The following PRKN variants were observed in gnomAD, a reference collection of about 807,000 sequenced individuals.
The protein encoded by PRKN is E3 ubiquitin-protein ligase parkin.
PRKN carries 56 observed loss-of-function variants against 59.5 expected under a neutral mutation model. That is an observed-to-expected ratio of 0.94 (90% CI 0.76 to 1.18). The LOEUF is 1.18. Among genes scored for constraint, PRKN ranks in the 50% most tolerant of loss-of-function variants. The probability of loss-of-function intolerance (pLI) is 0.00; values close to 1 mark genes in which losing one functional copy is unlikely to be tolerated. For missense variants in PRKN, 657 were observed against 596.4 expected, an observed-to-expected ratio of 1.10 and a Z score of -1.06; for synonymous variants, 250 against 222.1, an observed-to-expected ratio of 1.13 and a Z score of -1.12.
intron 7 of PRKN, among the ~76,000 whole-genome samples, chr6:161,615,905 G>A (rs1463354751): frequency 6.6e-6 from 1 of 152,172 alleles, no homozygotes; most frequent in Non-Finnish European, 1.5e-5. Flanking sequence ...GTTATGTGAG[G>A]AAAATCACCC....
At chr6:162,708,682 C>T (rs1047744814) in intron 1 of PRKN, among the ~76,000 whole-genome samples, 13 of 152,292 alleles carry the variant, frequency 8.5e-5, no homozygotes, top group Middle Eastern at 3.4e-3. Flanking sequence ...TACTCATTTT[C>T]GACCACTGGC....
At chr6:162,256,046 G>A (rs1192992842) in intron 3 of PRKN, among the ~76,000 whole-genome samples, 1 of 152,062 alleles carries the variant, frequency 6.6e-6, no homozygotes, top group Non-Finnish European at 1.5e-5. Context: ...AACACCAAAG[G>A]TAGTCAACCT....
intron 2 of PRKN, among the ~76,000 whole-genome samples, chr6:162,329,656 T>A (rs1466325809): frequency 6.6e-6 from 1 of 152,004 alleles, no homozygotes; most frequent in African/African-American, 2.4e-5. Context: ...AAACTTTTGC[T>A]CGAAGCCCTA....
At chr6:162,604,367 C>T (rs879534862) in intron 1 of PRKN, among the ~76,000 whole-genome samples, 21 of 152,136 alleles carry the variant, frequency 1.4e-4, no homozygotes, top group Non-Finnish European at 7.3e-5. Context: ...AAGTCAAATA[C>T]CTTGCTTTCC....
chr6:162,219,683 A>G (rs1402100771), intron 3 of PRKN, among the ~76,000 whole-genome samples: 2 of 151,888 alleles, frequency 1.3e-5, no homozygotes, highest in Non-Finnish European at 2.9e-5. Flanking sequence ...GGTATCTTCA[A>G]TTAAAACACT....
intron 4 of PRKN, among the ~76,000 whole-genome samples, chr6:162,199,565 G>C (rs1784634302): frequency 6.6e-6 from 1 of 152,154 alleles, no homozygotes; most frequent in Admixed American, 6.5e-5. Context: ...ATGAGGTTGT[G>C]TCTTGTGTTG....
Position 162,039,894 on chromosome 6 carries a change from T to A in PRKN, c.618+14197A>T, listed in dbSNP as rs146725869. 3.2e-3 allele frequency among the ~76,000 whole-genome samples: 482 copies of A among 152,342 alleles called. 1 individual carries two copies. The highest frequency in any genetic ancestry group is 0.011 in the African/African-American group (460 of 41,570). On this transcript the variant is annotated intron_variant, in intron 5 of 11. Transcript: ENST00000366898. ...AACACTGTGGAAGGTATGCCCGTCA[T>A]CTACTGCTATTCAACAAACCACCCC...
intron 9 of PRKN, among the ~76,000 whole-genome samples, chr6:161,531,754 C>T (rs1432296647): frequency 6.6e-6 from 1 of 152,132 alleles, no homozygotes; most frequent in Non-Finnish European, 1.5e-5. Flanking sequence ...GTCAGTCTTA[C>T]CAGCAAGGGA....
At chr6:162,595,901 T>C (rs540174020) in intron 1 of PRKN, among the ~76,000 whole-genome samples, 4 of 152,288 alleles carry the variant, frequency 2.6e-5, no homozygotes, top group Non-Finnish European at 4.4e-5. Context: ...AATAAGCTCA[T>C]TGAATATTAA....
At chr6:162,041,503 C>A (rs555414410) in intron 5 of PRKN, among the ~76,000 whole-genome samples, 1 of 152,324 alleles carries the variant, frequency 6.6e-6, no homozygotes, top group African/African-American at 2.4e-5. Context: ...ATTCCCCCAC[C>A]TCTCTCTCTT....
intron 2 of PRKN, among the ~76,000 whole-genome samples, chr6:162,396,361 A>G (rs1787475241): frequency 6.6e-6 from 1 of 152,164 alleles, no homozygotes; most frequent in Non-Finnish European, 1.5e-5. Flanking sequence ...CTGCCCCACC[A>G]CATAGAATAT....
At chr6:162,562,463 C>T (rs1779882872) in intron 1 of PRKN, among the ~76,000 whole-genome samples, 1 of 152,078 alleles carries the variant, frequency 6.6e-6, no homozygotes, top group African/African-American at 2.4e-5. Context: ...AGTGGGAAGT[C>T]CACTGCTCTG....
At chr6:162,312,048 G>T (rs1381143914) in intron 2 of PRKN, among the ~76,000 whole-genome samples, 1 of 151,876 alleles carries the variant, frequency 6.6e-6, no homozygotes, top group Non-Finnish European at 1.5e-5. Flanking sequence ...CAAAAATCTT[G>T]CTTCGCAAAC....
chr6:161,528,212 TG>T (rs543487151), intron 9 of PRKN, among the ~76,000 whole-genome samples: 8 of 152,320 alleles, frequency 5.3e-5, no homozygotes, highest in Admixed American at 4.6e-4. Context: ...TGGTAGTTTT[TG>T]GTTTTCTCTT....
At chr6:161,392,357 CT>C in intron 9 of PRKN, among the ~76,000 whole-genome samples, 1 of 151,676 alleles carries the variant, frequency 6.6e-6, no homozygotes, top group Admixed American at 6.6e-5. Context: ...GCACTCCAGC[CT>C]GGGTGACAGG....
Position 161,429,677 on chromosome 6 carries a change from A to C in PRKN, c.1084-42800T>G, listed in dbSNP as rs1050220051. ...TAGATCAATGAAGAAAGAGGAATCCAGAAGTTCCAGTCCGAGGGTGTGTGG... is the reference window on the plus strand; with the variant it reads ...TAGATCAATGAAGAAAGAGGAATCCCGAAGTTCCAGTCCGAGGGTGTGTGG... On this transcript the variant is annotated intron_variant, in intron 9 of 11. Coordinates refer to ENST00000366898, the MANE Select transcript of PRKN (RefSeq NM_004562.3). This position sits in a 1 kb window ranked among gnomAD's most constrained non-coding sequence, Gnocchi z 4.2. Among the ~76,000 whole-genome samples, 1 of 152,190 alleles carries C rather than the reference A, an allele frequency of 6.6e-6. No individual in the cohort carries two copies. The highest frequency in any genetic ancestry group is 2.4e-5 in the African/African-American group (1 of 41,448).
At chr6:162,578,275 TTTAA>T (rs1780643168) in intron 1 of PRKN, among the ~76,000 whole-genome samples, 2 of 152,138 alleles carry the variant, frequency 1.3e-5, no homozygotes, top group Non-Finnish European at 1.5e-5. Flanking sequence ...AAGCCTCTGT[TTTAA>T]TTAAAAATAT....
intron 1 of PRKN, among the ~76,000 whole-genome samples, chr6:162,544,004 T>C (rs1779023429): frequency 6.6e-6 from 1 of 152,208 alleles, no homozygotes; most frequent in Non-Finnish European, 1.5e-5. Context: ...TTGCAGCTTA[T>C]TGCAATCATT....
chr6:161,618,353 G>T (rs969649547), intron 7 of PRKN, among the ~76,000 whole-genome samples: 34 of 152,144 alleles, frequency 2.2e-4, no homozygotes, highest in African/African-American at 8.0e-4. Flanking sequence ...CACAAGGGAA[G>T]TACTTTGTGT....
Sources: allele counts gnomAD v4.1 joint callset (sites outside exome capture counted in the v4.1 genomes callset), GRCh38; gene constraint gnomAD v4.1.1; non-coding constraint Gnocchi (gnomAD v3.1); transcripts MANE v1.5; gene names NCBI Gene and HGNC (gene_info 2026-07-23, HGNC 2026-07-21).